Variants in CTNND2 observed in about 807,000 individuals in gnomAD.
CTNND2 encodes the protein catenin delta 2.
A neutral mutation model predicts 144.4 loss-of-function variants in CTNND2; 22 were observed. The ratio of observed to expected loss-of-function variants is 0.15; its 90% CI spans 0.11 to 0.22. The LOEUF is 0.22. CTNND2 is among the 10% of genes least tolerant of loss of function. The probability of loss-of-function intolerance (pLI) is 1.00; values close to 1 mark genes in which losing one functional copy is unlikely to be tolerated. For synonymous variants in CTNND2, 751 were observed against 695.6 expected (o/e 1.08, Z -1.25); for missense variants, 1,353 against 1,618.8 (o/e 0.84, Z 2.82).
chr5:11,157,469 AC>A (rs1758328710), intron 12 of CTNND2, among the ~76,000 whole-genome samples: 1 of 152,140 alleles, frequency 6.6e-6, no homozygotes, highest in African/African-American at 2.4e-5. Flanking sequence ...GCTGGGGCTC[AC>A]CGGCTGAGTG....
chr5:11,031,940 G>T (rs1580093089), intron 16 of CTNND2, among the ~76,000 whole-genome samples: 1 of 152,232 alleles, frequency 6.6e-6, no homozygotes, highest in Admixed American at 6.5e-5. Context: ...TTTGGTGTCA[G>T]ACTGAGCCAC....
chr5:11,783,361 A>G (rs1790648876), intron 1 of CTNND2, among the ~76,000 whole-genome samples: 2 of 152,042 alleles, frequency 1.3e-5, no homozygotes, highest in Admixed American at 1.3e-4. Context: ...AATCTGCTCT[A>G]TATCTAAAAA....
chr5:11,644,771 C>T (rs564193205), intron 2 of CTNND2, among the ~76,000 whole-genome samples: 182 of 152,110 alleles, frequency 1.2e-3, no homozygotes, highest in Non-Finnish European at 1.9e-3. Flanking sequence ...TGACTGCCCA[C>T]TATATGGTCA....
chr5:11,658,764 A>G (rs1235647014), intron 2 of CTNND2, among the ~76,000 whole-genome samples: 1 of 152,182 alleles, frequency 6.6e-6, no homozygotes, highest in Non-Finnish European at 1.5e-5. Flanking sequence ...ACACTGCGCT[A>G]TATGAATACA....
At chr5:11,128,948 AAT>A (rs1491262668) in intron 12 of CTNND2, among the ~76,000 whole-genome samples, 3 of 46,138 alleles carry the variant, frequency 6.5e-5, no homozygotes, top group African/African-American at 2.0e-4. Flanking sequence ...TATTATATAT[AAT>A]ATATAAATAT....
intron 3 of CTNND2, among the ~76,000 whole-genome samples, chr5:11,499,641 C>T (rs1376709493): frequency 6.6e-6 from 1 of 152,190 alleles, no homozygotes; most frequent in African/African-American, 2.4e-5. Flanking sequence ...TGCCATTATC[C>T]TGATTAATAG....
chr5:11,139,867 A>G (rs1037845371), intron 12 of CTNND2, among the ~76,000 whole-genome samples: 2 of 152,168 alleles, frequency 1.3e-5, no homozygotes, highest in African/African-American at 4.8e-5. Flanking sequence ...GCTCCAGGGG[A>G]GAATGTTTCC....
chr5:11,732,146 A>C lies in CTNND2; in HGVS notation c.164T>G (p.Val55Gly). 1.2e-6 allele frequency: 2 copies of C among 1,613,456 alleles called. No homozygotes were observed. Among genetic ancestry groups the C allele is most frequent in the Non-Finnish European group, 1.7e-6 (2 of 1,179,510 alleles). Residue 55 changes from valine to glycine, a missense_variant, in exon 2 of 22, where the codon GTC becomes GGC. Around this residue, in one of 4 missense-constraint regions of CTNND2, gnomAD observed 708 missense variants for 706.4 expected, o/e 1.00. Transcript: ENST00000304623. ...TETTSAILAS[V>G]KEQELQFERL... Reference sequence around the variant, plus strand: ...TGGGAATGTTTCTACCTGTTCTTTGACTGAGGCGAGGATGGCAGAGGTGGT... The same window carrying C: ...TGGGAATGTTTCTACCTGTTCTTTGCCTGAGGCGAGGATGGCAGAGGTGGT...
chr5:11,842,366 C>A (rs1347914999), intron 1 of CTNND2, among the ~76,000 whole-genome samples: 2 of 152,034 alleles, frequency 1.3e-5, no homozygotes, highest in African/African-American at 4.8e-5. Context: ...TTTAGAAAAC[C>A]AAAGTGCAAG....
At chr5:11,593,481 A>T (rs1211615923) in intron 2 of CTNND2, among the ~76,000 whole-genome samples, 1 of 152,172 alleles carries the variant, frequency 6.6e-6, no homozygotes, top group Non-Finnish European at 1.5e-5. Context: ...GCTGTGCCCC[A>T]CCCAAATCTC....
chr5:11,177,057 A>G (rs1760546656), intron 11 of CTNND2, among the ~76,000 whole-genome samples: 1 of 152,222 alleles, frequency 6.6e-6, no homozygotes, highest in Non-Finnish European at 1.5e-5. Flanking sequence ...CTCTTCTGGG[A>G]GCTGAGCTAA....
At chr5:11,699,029 CAT>C (rs140067587) in intron 2 of CTNND2, among the ~76,000 whole-genome samples, 18,077 of 149,100 alleles carry the variant, frequency 0.12, 3,604 homozygotes, top group African/African-American at 0.42. Flanking sequence ...TATATATATA[CAT>C]ATATATATAT....
chr5:11,447,040 AC>A (rs1264232551), intron 3 of CTNND2, among the ~76,000 whole-genome samples: 1 of 151,694 alleles, frequency 6.6e-6, no homozygotes, highest in African/African-American at 2.4e-5. Context: ...GGGTTCTTTA[AC>A]CCCCTTCCCG....
At chr5:11,598,658 C>T (rs982598377) in intron 2 of CTNND2, among the ~76,000 whole-genome samples, 3 of 152,074 alleles carry the variant, frequency 2.0e-5, no homozygotes, top group Non-Finnish European at 2.9e-5. Context: ...TCTTAATATA[C>T]GAATTGAAGA....
intron 3 of CTNND2, among the ~76,000 whole-genome samples, chr5:11,532,130 A>G (rs538307340): frequency 5.9e-5 from 9 of 151,860 alleles, no homozygotes; most frequent in African/African-American, 1.9e-4. Context: ...CCTTTGCACC[A>G]CCTCCAAACA....
intron 3 of CTNND2, among the ~76,000 whole-genome samples, chr5:11,432,281 A>G (rs201357588): frequency 8.1e-5 from 8 of 99,050 alleles, no homozygotes; most frequent in Middle Eastern, 4.3e-3. Flanking sequence ...ACATGGGCTG[A>G]AAAAAAAAAA....
chr5:11,852,871 T>A (rs1259866878), intron 1 of CTNND2, among the ~76,000 whole-genome samples: 1 of 152,214 alleles, frequency 6.6e-6, no homozygotes, highest in Admixed American at 6.5e-5. Flanking sequence ...GGGTTTGCCC[T>A]TATGTGTGCA....
chr5:11,527,495 C>T (rs1174402914), intron 3 of CTNND2, among the ~76,000 whole-genome samples: 1 of 152,128 alleles, frequency 6.6e-6, no homozygotes, highest in Non-Finnish European at 1.5e-5. Flanking sequence ...CACCTCTAGG[C>T]AGAACTCAGG....
rs540675520 is a variant in CTNND2, at chr5:11,233,958, C to T, written c.1761+2733G>A. Among the ~76,000 whole-genome samples the T allele has an allele frequency of 2.6e-5, 4 of 152,274 alleles. No homozygotes were observed. The South Asian group carries it at 8.3e-4, about 32-fold the overall frequency. The stretch of plus-strand genomic sequence containing the variant: ...ACCCTTCCCTTCCTTCTCATCCCAG[C>T]CTCCCAGGTCCCCTGGGAACATTAT... On this transcript the variant is annotated intron_variant, in intron 10 of 21. Transcript: ENST00000304623.
Sources: allele counts gnomAD v4.1 joint callset (sites outside exome capture counted in the v4.1 genomes callset), GRCh38; gene constraint gnomAD v4.1.1; regional missense constraint gnomAD v4.1.1; transcripts MANE v1.5; gene names NCBI Gene and HGNC (gene_info 2026-07-23, HGNC 2026-07-21).